Variants in ZNF385C observed in about 807,000 individuals in gnomAD.
ZNF385C encodes the protein zinc finger protein 385C, also known as CTD-2132N18.2.
In ZNF385C, 28 loss-of-function variants were observed where a neutral mutation model predicts 35.4. That is an observed-to-expected ratio of 0.79 (90% CI 0.59 to 1.08). The LOEUF (loss-of-function observed/expected upper bound fraction) is 1.08, where lower values mean the gene tolerates loss of function less well. ZNF385C is among the 50% of genes least tolerant of loss of function. ZNF385C has a pLI of 0.00. For synonymous variants in ZNF385C, 248 were observed against 248.2 expected (o/e 1.00, Z 0.01); for missense variants, 605 against 595.6 (o/e 1.02, Z -0.16).
intron 1 of ZNF385C, among the ~76,000 whole-genome samples, chr17:42,086,701 C>CA (rs1184011274): frequency 0.27 from 18,195 of 66,558 alleles, 2,506 homozygotes; most frequent in Middle Eastern, 0.4. Flanking sequence ...GATTCCATCT[C>CA]AAAAAAAAAA....
intron 1 of ZNF385C, among the ~76,000 whole-genome samples, chr17:42,064,107 C>CACACAA (rs1173036796): frequency 6.6e-6 from 1 of 150,696 alleles, no homozygotes; most frequent in Non-Finnish European, 1.5e-5. Flanking sequence ...CACACACACA[C>CACACAA]ACACACACAC....
chr17:42,089,444 C>T (rs1362911177), intron 1 of ZNF385C, among the ~76,000 whole-genome samples: 1 of 152,166 alleles, frequency 6.6e-6, no homozygotes, highest in Non-Finnish European at 1.5e-5. Flanking sequence ...AAGATCCGGG[C>T]CTTTCCCCTC....
At chr17:42,059,943 C>T (rs1016299283) in intron 2 of ZNF385C, among the ~76,000 whole-genome samples, 4 of 152,134 alleles carry the variant, frequency 2.6e-5, no homozygotes, top group Non-Finnish European at 4.4e-5. Flanking sequence ...GTCTTTTCTC[C>T]TCTCCCCACA....
At chr17:42,027,995 GCCC>G (rs1555654482) in intron 7 of ZNF385C, 52 bp downstream of exon 7, 2 of 1,522,550 alleles carry the variant, frequency 1.3e-6, no homozygotes, top group Admixed American at 3.5e-5. Context: ...CTGCTGCCCT[GCCC>G]CCCAACCCCC....
chr17:42,052,916 C>A (rs772790387), intron 2 of ZNF385C, among the ~76,000 whole-genome samples: 2 of 152,208 alleles, frequency 1.3e-5, no homozygotes, highest in African/African-American at 2.4e-5. Flanking sequence ...CACATGCCTG[C>A]ACACAACACA....
At chr17:42,057,493 G>GGTGT (rs1347050904) in intron 2 of ZNF385C, among the ~76,000 whole-genome samples, 2 of 48,526 alleles carry the variant, frequency 4.1e-5, no homozygotes, top group Non-Finnish European at 1.1e-4. Context: ...GTTATTTAGG[G>GGTGT]GTGTGCGCGC....
At chr17:42,069,344 C>A (rs560017989) in intron 1 of ZNF385C, among the ~76,000 whole-genome samples, 1 of 152,168 alleles carries the variant, frequency 6.6e-6, no homozygotes, top group Non-Finnish European at 1.5e-5. Flanking sequence ...GACAAATGCA[C>A]GTGAGGTCCC....
Position 42,090,858 on chromosome 17 carries a change from GGCGACAGA to G in ZNF385C, c.-3+7544_-3+7551del, listed in dbSNP as rs544104379. On this transcript the variant is annotated intron_variant, in intron 1 of 8. Coordinates refer to ENST00000692273, the MANE Select transcript of ZNF385C (RefSeq NM_001392013.1). ...GATCCTGCCACTGCACTCCAGCCTGGGCGACAGAGCGAGACTCCGTCTCAAAAAAAAGA... is the reference window on the plus strand; with the variant it reads ...GATCCTGCCACTGCACTCCAGCCTGGGCGAGACTCCGTCTCAAAAAAAAGA... 4.0e-3 allele frequency among the ~76,000 whole-genome samples: 606 copies of G among 152,138 alleles called. 8 individuals are homozygous for G. Among genetic ancestry groups the G allele is most frequent in the African/African-American group, 0.014 (583 of 41,538 alleles).
chr17:42,079,639 C>A (rs1179179262), intron 1 of ZNF385C, among the ~76,000 whole-genome samples: 1 of 151,956 alleles, frequency 6.6e-6, no homozygotes, highest in Non-Finnish European at 1.5e-5. Context: ...GCACTCCAGC[C>A]TGGGTGAAAG....
At chr17:42,030,034 A>G (rs1226904236) in intron 5 of ZNF385C, among the ~76,000 whole-genome samples, 5 of 151,852 alleles carry the variant, frequency 3.3e-5, no homozygotes, top group African/African-American at 1.2e-4. Flanking sequence ...TCTCAAAAAA[A>G]AAAAGAGCTT....
chr17:42,034,462 T>C lies in ZNF385C; in HGVS notation c.400-127A>G, dbSNP rs369557262. 1.2e-3 allele frequency: 812 copies of C among 654,210 alleles called. 6 individuals carry two copies. The highest frequency in any genetic ancestry group is 5.0e-3 in the Admixed American group (185 of 37,058). 40.5% of individuals were successfully genotyped at this position (654,210 alleles called of 1,614,324 possible). On this transcript the variant is annotated intron_variant, in intron 3 of 8. Transcript: ENST00000692273. Reference sequence around the variant, plus strand: ...CCTTGGTCAGCTTCTAGGAAGAACTTTTCCATCCTGTGGATGTTGGAAAGA... The same window carrying C: ...CCTTGGTCAGCTTCTAGGAAGAACTCTTCCATCCTGTGGATGTTGGAAAGA...
chr17:42,074,681 G>A (rs1555659104), intron 1 of ZNF385C, among the ~76,000 whole-genome samples: 1 of 152,178 alleles, frequency 6.6e-6, no homozygotes, highest in Non-Finnish European at 1.5e-5. Flanking sequence ...GAGCCACCGC[G>A]CCCGGCCAAA....
chr17:42,092,621 C>A (rs1317156639), intron 1 of ZNF385C, among the ~76,000 whole-genome samples: 1 of 152,204 alleles, frequency 6.6e-6, no homozygotes, highest in Non-Finnish European at 1.5e-5. Context: ...CCTCTGCCAA[C>A]AGGGAGAGTG....
chr17:42,083,346 G>GCC (rs1383978553), intron 1 of ZNF385C, among the ~76,000 whole-genome samples: 1 of 151,584 alleles, frequency 6.6e-6, no homozygotes, highest in Non-Finnish European at 1.5e-5. Flanking sequence ...GGGACTACAG[G>GCC]CACCCGCCAA....
intron 5 of ZNF385C, among the ~76,000 whole-genome samples, chr17:42,030,854 T>C (rs1165237146): frequency 6.6e-6 from 1 of 151,608 alleles, no homozygotes; most frequent in Admixed American, 6.6e-5. Context: ...ATTGGAGTGA[T>C]GCGTCTATAA....
intron 1 of ZNF385C, among the ~76,000 whole-genome samples, chr17:42,080,760 G>A (rs1013515061): frequency 7.9e-5 from 12 of 152,184 alleles, no homozygotes; most frequent in Non-Finnish European, 1.2e-4. Context: ...TCCAAGAAAC[G>A]CCCTGAGGAC....
chr17:42,086,888 G>A (rs2053815353), intron 1 of ZNF385C, among the ~76,000 whole-genome samples: 2 of 148,212 alleles, frequency 1.3e-5, no homozygotes, highest in Admixed American at 1.3e-4. Flanking sequence ...GAGTGCAGTG[G>A]CGTGATCTTG....
chr17:42,036,657 C>T (rs1245679212), intron 3 of ZNF385C, among the ~76,000 whole-genome samples: 1 of 152,226 alleles, frequency 6.6e-6, no homozygotes, highest in African/African-American at 2.4e-5. Flanking sequence ...CAAATTTTCA[C>T]AGCACCCAGG....
At position 42,095,259 on chromosome 17, in the gene ZNF385C, T is replaced by C. The variant is rs368358723; in HGVS notation, c.-3+3151A>G. Among the ~76,000 whole-genome samples, 1 of 152,298 alleles carries C rather than the reference T, an allele frequency of 6.6e-6. No homozygotes were observed. The highest frequency in any genetic ancestry group is 2.1e-4 in the South Asian group (1 of 4,832). The stretch of plus-strand genomic sequence containing the variant: ...GGTGTGTCCAGGTGCCACAGGGCAC[T>C]TGACTACAGTCAACACCAGCGTACC... On this transcript the variant is annotated intron_variant, in intron 1 of 8. Coordinates refer to ENST00000692273, the MANE Select transcript of ZNF385C (RefSeq NM_001392013.1). The surrounding 1 kb of genome is among the most constrained non-coding windows in gnomAD (Gnocchi z 4.4).
Sources: allele counts gnomAD v4.1 joint callset (sites outside exome capture counted in the v4.1 genomes callset), GRCh38; gene constraint gnomAD v4.1.1; non-coding constraint Gnocchi (gnomAD v3.1); transcripts MANE v1.5; gene names NCBI Gene and HGNC (gene_info 2026-07-23, HGNC 2026-07-21).